CTNNA3: variants seen among roughly 807,000 people sequenced by gnomAD.
CTNNA3 encodes catenin alpha-3.
In CTNNA3, 76 loss-of-function variants were observed where a neutral mutation model predicts 95.7. That is an observed-to-expected ratio of 0.79 (90% confidence interval 0.66 to 0.96). The LOEUF is 0.96. Among genes scored for constraint, CTNNA3 ranks in the 40% least tolerant of loss-of-function variants. The pLI, the probability that CTNNA3 is intolerant of heterozygous loss-of-function variation, is 0.00. For synonymous variants in CTNNA3, 431 were observed against 374.4 expected (o/e 1.15, Z -1.74); for missense variants, 1,191 against 1,089.8 (o/e 1.09, Z -1.31).
intron 11 of CTNNA3, among the ~76,000 whole-genome samples, chr10:66,454,037 G>C (rs2093480560): frequency 6.8e-6 from 1 of 146,606 alleles, no homozygotes; most frequent in East Asian, 2.0e-4. Context: ...AGAGGCAGAA[G>C]AGTAGGTCAG....
At chr10:65,925,802 T>G in intron 17 of CTNNA3, among the ~76,000 whole-genome samples, 1 of 152,184 alleles carries the variant, frequency 6.6e-6, no homozygotes, top group East Asian at 1.9e-4. Context: ...TATAAGTGTT[T>G]ATAAAACCAT....
intron 11 of CTNNA3, among the ~76,000 whole-genome samples, chr10:66,419,185 C>T (rs559727152): frequency 6.6e-6 from 1 of 151,912 alleles, no homozygotes; most frequent in African/African-American, 2.4e-5. Context: ...CTACAGGATA[C>T]AAAATCAACA....
At chr10:66,894,275 C>T (rs1486066883) in intron 7 of CTNNA3, among the ~76,000 whole-genome samples, 1 of 152,032 alleles carries the variant, frequency 6.6e-6, no homozygotes, top group Non-Finnish European at 1.5e-5. Flanking sequence ...TTGAACAGAA[C>T]TCATGACAGG....
intron 13 of CTNNA3, among the ~76,000 whole-genome samples, chr10:66,278,582 A>C (rs552084293): frequency 6.6e-6 from 1 of 152,228 alleles, no homozygotes; most frequent in Non-Finnish European, 1.5e-5. Context: ...AATAATGGCA[A>C]GATAATTTGA....
chr10:67,731,784 G>A (rs1348673260), intron 1 of CTNNA3, among the ~76,000 whole-genome samples: 2 of 147,966 alleles, frequency 1.4e-5, no homozygotes, highest in African/African-American at 2.5e-5. Flanking sequence ...CCTGGGCAAC[G>A]TGCAAGACTC....
At chr10:66,942,404 A>T (rs1848044186) in intron 7 of CTNNA3, among the ~76,000 whole-genome samples, 2 of 152,200 alleles carry the variant, frequency 1.3e-5, no homozygotes, top group South Asian at 4.1e-4. Context: ...TTCTGTAACA[A>T]TGTTGTTCAG....
intron 4 of CTNNA3, among the ~76,000 whole-genome samples, chr10:67,535,918 T>A (rs1337592991): frequency 6.6e-6 from 1 of 152,022 alleles, no homozygotes; most frequent in African/African-American, 2.4e-5. Context: ...ATGTTCAGTA[T>A]CCAATCAAAA....
At chr10:66,913,261 AAAAAG>A (rs1846314416) in intron 7 of CTNNA3, among the ~76,000 whole-genome samples, 18 of 145,858 alleles carry the variant, frequency 1.2e-4, no homozygotes, top group African/African-American at 2.2e-4. Flanking sequence ...AAAAAAAAAA[AAAAAG>A]AAAAAGAAAA....
chr10:66,954,997 T>C (rs1469465028), intron 7 of CTNNA3, among the ~76,000 whole-genome samples: 1 of 152,196 alleles, frequency 6.6e-6, no homozygotes, highest in African/African-American at 2.4e-5. Flanking sequence ...GACGTAAACA[T>C]GCTTTGGAAA....
rs565262365 is a variant in CTNNA3, at chr10:66,818,580, A to T, written c.1048-43056T>A. 2.0e-5 allele frequency among the ~76,000 whole-genome samples: 3 copies of T among 152,182 alleles called. No homozygotes were observed. In the South Asian group the frequency reaches 6.2e-4, roughly 31 times the overall value. On this transcript the variant is annotated intron_variant, in intron 7 of 17. Transcript: ENST00000433211. ...AAGACTTGCATACTGCCTACAAAAC[A>T]TCACTGAAATAACCTGAAGAAGTTT...
chr10:66,167,906 C>G (rs1367880793), intron 13 of CTNNA3, among the ~76,000 whole-genome samples: 1 of 152,054 alleles, frequency 6.6e-6, no homozygotes, highest in Non-Finnish European at 1.5e-5. Context: ...CCTTAATATC[C>G]CAGATACACC....
chr10:67,094,149 T>A (rs181177909), intron 7 of CTNNA3, among the ~76,000 whole-genome samples: 79 of 152,110 alleles, frequency 5.2e-4, no homozygotes, highest in African/African-American at 1.8e-3. Flanking sequence ...GAGGAAGACT[T>A]GCTCTGACAA....
chr10:67,088,154 G>A (rs981840937), intron 7 of CTNNA3, among the ~76,000 whole-genome samples: 3 of 151,336 alleles, frequency 2.0e-5, no homozygotes, highest in Non-Finnish European at 2.9e-5. Flanking sequence ...GATAAGAAAT[G>A]CTTTTCCTAC....
chr10:66,439,198 C>CT (rs1314322949), intron 11 of CTNNA3, among the ~76,000 whole-genome samples: 6 of 152,006 alleles, frequency 3.9e-5, no homozygotes, highest in African/African-American at 1.5e-4. Context: ...CTAATTATAA[C>CT]TTTATAAGAT....
At chr10:67,727,461 ATCATATATT>A (rs1841242577) in intron 1 of CTNNA3, among the ~76,000 whole-genome samples, 1 of 133,984 alleles carries the variant, frequency 7.5e-6, no homozygotes, top group African/African-American at 2.7e-5. Context: ...TATCATATAT[ATCATATATT>A]ATATATTTAT....
chr10:66,803,536 T>C (rs56085018), intron 7 of CTNNA3, among the ~76,000 whole-genome samples: 37,370 of 151,858 alleles, frequency 0.25, 5,309 homozygotes, highest in African/African-American at 0.4. Context: ...TCACCATATA[T>C]AGTCCTTAAG....
intron 6 of CTNNA3, among the ~76,000 whole-genome samples, chr10:67,215,359 T>C (rs944914243): frequency 6.6e-6 from 1 of 152,160 alleles, no homozygotes; most frequent in Admixed American, 6.6e-5. Flanking sequence ...CCTGATTCTG[T>C]AGTTTGTTCA....
intron 3 of CTNNA3, among the ~76,000 whole-genome samples, chr10:67,564,569 C>G (rs1841675439): frequency 7.0e-6 from 1 of 143,550 alleles, no homozygotes; most frequent in African/African-American, 2.6e-5. Context: ...GTGCAGCACA[C>G]CAACATGGCA....
At chr10:67,590,255 G>A (rs1365020253) in intron 3 of CTNNA3, among the ~76,000 whole-genome samples, 2 of 152,160 alleles carry the variant, frequency 1.3e-5, no homozygotes, top group Non-Finnish European at 2.9e-5. Context: ...GGATCCCAAA[G>A]GGACAGGCCA....
Sources: allele counts gnomAD v4.1 joint callset (sites outside exome capture counted in the v4.1 genomes callset), GRCh38; gene constraint gnomAD v4.1.1; transcripts MANE v1.5; gene names NCBI Gene and HGNC (gene_info 2026-07-23, HGNC 2026-07-21).